The following TRIP11 variants were observed in gnomAD, a reference collection of about 807,000 sequenced individuals.
TRIP11 encodes thyroid receptor-interacting protein 11.
A neutral mutation model predicts 223.1 loss-of-function variants in TRIP11; 148 were observed. That is an observed-to-expected ratio of 0.66 (90% CI 0.58 to 0.76). TRIP11 has a LOEUF of 0.76. Ranked by LOEUF, TRIP11 falls within the 30% of genes least tolerant of loss-of-function variation. The pLI is 0.00. For synonymous variants in TRIP11, 762 were observed against 772.6 expected (o/e 0.99, Z 0.23); for missense variants, 2,043 against 2,222.0 (o/e 0.92, Z 1.62).
In TRIP11 at chr14:91,976,181, G is replaced by A. The variant is rs1368101093; in HGVS notation, c.5269C>T (p.Arg1757Ter). The A allele has an allele frequency of 5.6e-6, 9 of 1,611,778 alleles. No homozygotes were observed. Among genetic ancestry groups the A allele is most frequent in the East Asian group, 2.2e-5 (1 of 44,776 alleles). The change falls in exon 17 of 21, where the codon CGA becomes TGA. Residue 1757 changes from arginine to a stop codon, truncating the protein, a stop_gained. Transcript: ENST00000267622. LOFTEE classifies it high-confidence loss of function. Reference protein sequence around the residue: ...IEELKRQNELRQEMLDDVQKK... With the variant: ...IEELKRQNEL ...TGTACATCATCCAGCATTTCTTGTCGGAGCTCATCTGTTGTAAAATATGTG... is the reference window on the plus strand; with the variant it reads ...TGTACATCATCCAGCATTTCTTGTCAGAGCTCATCTGTTGTAAAATATGTG...
At chr14:92,035,582 TTTA>T (rs1401537644) in intron 1 of TRIP11, among the ~76,000 whole-genome samples, 28 of 127,656 alleles carry the variant, frequency 2.2e-4, no homozygotes, top group East Asian at 9.4e-4. Context: ...TATTTATTTA[TTTA>T]TTTTTTTTTT....
rs74073611 is a variant in TRIP11, at chr14:91,986,183, T to C, written c.5260+2101A>G. On this transcript the variant is annotated intron_variant, in intron 16 of 20. Coordinates refer to ENST00000267622, the MANE Select transcript of TRIP11 (RefSeq NM_004239.4). ...AAAGTTCGTATACGTTTACAATGAA[T>C]ATTAGTATTTTCCACCTAAGCTTTA... is the stretch of plus-strand genomic sequence containing the variant. Among the ~76,000 whole-genome samples the C allele has an allele frequency of 6.4e-3, 968 of 152,334 alleles. 15 individuals are homozygous for C. The highest frequency in any genetic ancestry group is 0.022 in the African/African-American group (897 of 41,582).
chr14:92,003,731 T>G lies in TRIP11; in HGVS notation c.4245A>C (p.Leu1415Phe), dbSNP rs766132485. ...LQKLLKEKDL[L>F]IKAKSDQLLS... ...GTAGTTGATCACTTTTGGCTTTGAT[T>G]AAGAGGTCTTTTTCCTTAAGTAACT... Residue 1415 changes from leucine (L) to phenylalanine (F), a missense_variant, in exon 11 of 21, where the codon TTA becomes TTC. Physicochemically the swap from Leu to Phe is conservative, Grantham distance 22. Transcript: ENST00000267622. 1.2e-6 allele frequency: 2 copies of G among 1,614,216 alleles called. No individual in the cohort carries two copies. Among genetic ancestry groups the G allele is most frequent in the Non-Finnish European group, 1.7e-6 (2 of 1,180,034 alleles).
chr14:92,004,510 T>A lies in TRIP11; in HGVS notation c.3466A>T (p.Arg1156Ter). Reference protein sequence around the residue: ...RFESSGQDMFRETIQNLSRII... With the variant: ...RFESSGQDMF ...CGTGATAAATTCTGAATAGTTTCTC[T>A]AAACATATCTTGGCCACTACTTTCA... The change falls in exon 11 of 21, where the codon AGA (arginine) becomes TGA (stop). Residue 1156 changes from arginine to a stop codon, truncating the protein, a stop_gained. Coordinates refer to ENST00000267622, the MANE Select transcript of TRIP11 (RefSeq NM_004239.4). LOFTEE classifies it high-confidence loss of function. 4 of 1,613,276 alleles carry A rather than the reference T, an allele frequency of 2.5e-6. No individual in the cohort carries two copies. Among genetic ancestry groups the A allele is most frequent in the Non-Finnish European group, 3.4e-6 (4 of 1,179,986 alleles).
At position 92,006,241 on chromosome 14, in the gene TRIP11, G is replaced by A. The variant is rs2056901001; in HGVS notation, c.1735C>T (p.Gln579Ter). 6.2e-7 allele frequency: 1 copy of A among 1,612,680 alleles called. No individual in the cohort carries two copies. Among genetic ancestry groups the A allele is most frequent in the African/African-American group, 1.3e-5 (1 of 74,954 alleles). Residue 579 changes from glutamine to a stop codon, truncating the protein, a stop_gained, in exon 11 of 21, where the codon CAG becomes TAG. Transcript: ENST00000267622. LOFTEE classifies it high-confidence loss of function. ...TTTTCTACTTTGTCCTCAAGTTTCTGCTTGGTTAAATGTAAATCATTTAGG... is the reference window on the plus strand; with the variant it reads ...TTTTCTACTTTGTCCTCAAGTTTCTACTTGGTTAAATGTAAATCATTTAGG... The part of the protein sequence containing the change: ...VALNDLHLTK[Q>*]KLEDKVENLV...
Position 92,015,788 on chromosome 14 carries a change from T to C in TRIP11, c.731A>G (p.Gln244Arg). The change falls in exon 6 of 21, where the codon CAA becomes CGA. Residue 244 changes from glutamine to arginine, a missense_variant. Physicochemically the swap from Gln to Arg is conservative, Grantham distance 43. Transcript: ENST00000267622. The stretch of plus-strand genomic sequence containing the variant: ...TCGACTTATTTCTGTCAATTTCTGT[T>C]GGTGTGCATTCTGCAGTACTGACAT... Reference protein sequence around the residue: ...HEMSVLQNAHQQKLTEISRRH... With the variant: ...HEMSVLQNAHRQKLTEISRRH... 1 of 1,613,634 alleles carries C rather than the reference T, an allele frequency of 6.2e-7. No homozygotes were observed. The highest frequency in any genetic ancestry group is 1.7e-5 in the Admixed American group (1 of 60,032).
intron 6 of TRIP11, among the ~76,000 whole-genome samples, chr14:92,015,419 G>A (rs1037757716): frequency 3.3e-5 from 5 of 152,040 alleles, no homozygotes; most frequent in African/African-American, 7.2e-5. Flanking sequence ...AGCACTTTGG[G>A]AGGCCGAGGT....
rs1290414580 is a variant in TRIP11, at chr14:92,007,684, C to A, written c.1483G>T (p.Ala495Ser). 2 of 1,613,634 alleles carry A rather than the reference C, an allele frequency of 1.2e-6. No homozygotes were observed. The change falls in exon 10 of 21, where the codon GCT (alanine) becomes TCT (serine). Residue 495 changes from alanine (A) to serine (S), a missense_variant. Coordinates refer to ENST00000267622, the MANE Select transcript of TRIP11 (RefSeq NM_004239.4). ...QSISEKETLI[A>S]EIEELDRQNQ... ...TGTCTGTCCAATTCTTCTATCTCAG[C>A]TATCAGTGTTTCCTTTTCACTAATA...
chr14:92,003,046 A>G lies in TRIP11; in HGVS notation c.4557+373T>C, dbSNP rs190546805. 1.6e-4 allele frequency among the ~76,000 whole-genome samples: 25 copies of G among 152,342 alleles called. No homozygotes were observed. The East Asian group carries it at 4.6e-3, about 28-fold the overall frequency. On this transcript the variant is annotated intron_variant, in intron 11 of 20. Transcript: ENST00000267622. ...GGTTAAAGACATATGTGTATTTTACAGTGCTTTCCTTATATATAAGAATCT... is the reference window on the plus strand; with the variant it reads ...GGTTAAAGACATATGTGTATTTTACGGTGCTTTCCTTATATATAAGAATCT...
chr14:92,026,020 T>C (rs1265450582), intron 2 of TRIP11, among the ~76,000 whole-genome samples: 1 of 152,246 alleles, frequency 6.6e-6, no homozygotes, highest in Non-Finnish European at 1.5e-5. Flanking sequence ...CCCATCTTTG[T>C]ATACCCAGTT....
In TRIP11 at chr14:92,039,755, G is replaced by T; in HGVS notation, c.-70C>A. 2 of 1,561,256 alleles carry T rather than the reference G, an allele frequency of 1.3e-6. No individual in the cohort carries two copies. The highest frequency in any genetic ancestry group is 2.4e-5 in the South Asian group (2 of 84,932). ...AACGTTTAGCGCCGCCGGGCGATCC[G>T]ACCAAATATCCTTGAACGCCTGCCT... On this transcript the variant is annotated 5_prime_UTR_variant, in exon 1 of 21. Coordinates refer to ENST00000267622, the MANE Select transcript of TRIP11 (RefSeq NM_004239.4).
At chr14:91,979,897 T>C (rs1055481154) in intron 16 of TRIP11, among the ~76,000 whole-genome samples, 1 of 151,724 alleles carries the variant, frequency 6.6e-6, no homozygotes, top group African/African-American at 2.4e-5. Flanking sequence ...GCAGGGAAAA[T>C]ATGGTTATTC....
At chr14:91,974,281 C>CA (rs1337653791) in intron 19 of TRIP11, among the ~76,000 whole-genome samples, 11 of 152,248 alleles carry the variant, frequency 7.2e-5, no homozygotes, top group African/African-American at 2.4e-4. Flanking sequence ...TTCACTGGCT[C>CA]AACGATTTGG....
rs2056426371 is a variant in TRIP11 at position 91,973,586 on chromosome 14, CA to C, written c.5575-726del. Among the ~76,000 whole-genome samples the C allele has an allele frequency of 2.0e-5, 3 of 152,250 alleles. No individual in the cohort carries two copies. In the South Asian group the frequency reaches 6.2e-4, roughly 32 times the overall value. On this transcript the variant is annotated intron_variant, in intron 19 of 20. Coordinates refer to ENST00000267622, the MANE Select transcript of TRIP11 (RefSeq NM_004239.4). ...CAGGTCTAACCAATGAATATAATAACAAAAGATCACAAATAACATTGTCAGA... is the reference window on the plus strand; with the variant it reads ...CAGGTCTAACCAATGAATATAATAACAAAGATCACAAATAACATTGTCAGA...
chr14:91,970,831 G>T (rs2056392775), intron 20 of TRIP11, among the ~76,000 whole-genome samples: 1 of 152,126 alleles, frequency 6.6e-6, no homozygotes, highest in Admixed American at 6.6e-5. Context: ...TTTTTAAATG[G>T]TGTCATCTAT....
rs1566860829 is a variant in TRIP11, at chr14:92,005,987, C to G, written c.1989G>C (p.Gln663His). 6.2e-7 allele frequency: 1 copy of G among 1,611,100 alleles called. No individual in the cohort carries two copies. The highest frequency in any genetic ancestry group is 1.1e-5 in the South Asian group (1 of 90,264). ...NLKQNLSELE[Q>H]LNENLKKVAF... Reference sequence around the variant, plus strand: ...CAACTTTCTTTAAATTTTCATTGAGCTGTTCTAATTCTGAAAGATTTTGCT... The same window carrying G: ...CAACTTTCTTTAAATTTTCATTGAGGTGTTCTAATTCTGAAAGATTTTGCT... Residue 663 changes from glutamine (Q) to histidine (H), a missense_variant, in exon 11 of 21, where the codon CAG becomes CAC. Coordinates refer to ENST00000267622, the MANE Select transcript of TRIP11 (RefSeq NM_004239.4).
Position 91,969,856 on chromosome 14 carries a change from T to G in TRIP11, c.5757A>C (p.Val1919=), listed in dbSNP as rs767463745. Residue 1919 remains valine (V), a synonymous_variant, in exon 21 of 21, where the codon GTA becomes GTC. Transcript: ENST00000267622. ...CCGAGCGAGGAGCCAAAAACGGATT[T>G]ACATCTGTTCTTCTACCAGACCTGG... ...AESRSGRRTD[V]NPFLAPRSAA... The G allele has an allele frequency of 1.7e-5, 28 of 1,614,092 alleles. No homozygotes were observed. The highest frequency in any genetic ancestry group is 2.3e-5 in the Non-Finnish European group (27 of 1,180,038).
chr14:92,000,105 T>C lies in TRIP11; in HGVS notation c.4561A>G (p.Lys1521Glu), dbSNP rs1274252443. The C allele has an allele frequency of 6.2e-7, 1 of 1,613,758 alleles. No individual in the cohort carries two copies. The highest frequency in any genetic ancestry group is 8.5e-7 in the Non-Finnish European group (1 of 1,179,930). ...EQLLKEKEQG[K>E]TGELNQLLNA... ...AAAAGCTGATTTAACTCTCCAGTCT[T>C]GCCCTTTTGGAAAGAAAAAATTTTA... The change falls in exon 12 of 21, where the codon AAG (lysine) becomes GAG (glutamate). Residue 1521 changes from lysine (K) to glutamate (E), a missense_variant. Lys to Glu is a moderately conservative substitution (Grantham distance 56). Coordinates refer to ENST00000267622, the MANE Select transcript of TRIP11 (RefSeq NM_004239.4).
chr14:92,039,362 G>GC (rs1416497932), intron 1 of TRIP11, among the ~76,000 whole-genome samples, 185 bp downstream of exon 1: 1 of 152,116 alleles, frequency 6.6e-6, no homozygotes, highest in Non-Finnish European at 1.5e-5. Flanking sequence ...TCTTCCCCTG[G>GC]CCCCCAGTGG....
Sources: allele counts gnomAD v4.1 joint callset (sites outside exome capture counted in the v4.1 genomes callset), GRCh38; gene constraint gnomAD v4.1.1; transcripts MANE v1.5; gene names NCBI Gene and HGNC (gene_info 2026-07-23, HGNC 2026-07-21).